ECPAS: variants seen among roughly 807,000 people sequenced by gnomAD.
ECPAS encodes the protein Ecm29 proteasome adaptor and scaffold.
A neutral mutation model predicts 255.1 loss-of-function variants in ECPAS; 70 were observed. That is an observed-to-expected ratio of 0.27 (90% CI 0.23 to 0.33). The LOEUF (loss-of-function observed/expected upper bound fraction) is 0.33. ECPAS is among the 10% of genes least tolerant of loss of function. The probability of loss-of-function intolerance (pLI) is 1.00; values close to 1 mark genes in which losing one functional copy is unlikely to be tolerated. For missense variants in ECPAS, 1,817 were observed against 2,206.4 expected, an observed-to-expected ratio of 0.82 and a Z score of 3.54; for synonymous variants, 784 against 775.0, an observed-to-expected ratio of 1.01 and a Z score of -0.19.
chr9:111,445,987 T>C (rs1455349029), intron 3 of ECPAS, among the ~76,000 whole-genome samples: 1 of 152,190 alleles, frequency 6.6e-6, no homozygotes, highest in Non-Finnish European at 1.5e-5. Flanking sequence ...TTCATCCATG[T>C]CCCTGCAAAG....
chr9:111,445,651 T>G (rs375990463), intron 3 of ECPAS, among the ~76,000 whole-genome samples: 4 of 152,280 alleles, frequency 2.6e-5, no homozygotes, highest in African/African-American at 9.6e-5. Flanking sequence ...TGAGGCATTT[T>G]TATTTTTGTC....
chr9:111,431,432 C>T (rs534731970), intron 8 of ECPAS, among the ~76,000 whole-genome samples: 1 of 151,978 alleles, frequency 6.6e-6, no homozygotes, highest in Non-Finnish European at 1.5e-5. Flanking sequence ...GTGGTGTGCA[C>T]CTGTAATCAC....
chr9:111,394,471 G>A (rs1410857314), intron 25 of ECPAS, among the ~76,000 whole-genome samples, 166 bp from the exon 26 acceptor site: 2 of 152,062 alleles, frequency 1.3e-5, no homozygotes, highest in South Asian at 2.1e-4. Context: ...ATCCACTCTA[G>A]AACCTAGTGT....
intron 12 of ECPAS, among the ~76,000 whole-genome samples, chr9:111,424,182 A>C (rs2098218211): frequency 6.6e-6 from 1 of 152,232 alleles, no homozygotes; most frequent in African/African-American, 2.4e-5. Context: ...AAGCTATGAG[A>C]ACCAGGCCTA....
Position 111,422,061 on chromosome 9 carries a change from A to T in ECPAS, c.1333-18T>A, listed in dbSNP as rs1055486622. The T allele has an allele frequency of 1.2e-6, 2 of 1,613,512 alleles. No homozygotes were observed. ...GGCTCTTCCTATAAAGATGATAAAA[A>T]TGTTTCCCTCCTTGTTGGGTTCCCA... On this transcript the variant is annotated intron_variant, in intron 14 of 49. Coordinates refer to ENST00000684092, the MANE Select transcript of ECPAS (RefSeq NM_001364929.1).
chr9:111,371,930 ACT>A, intron 42 of ECPAS, 101 bp from the exon 43 acceptor site: 1 of 831,674 alleles, frequency 1.2e-6, no homozygotes, highest in African/African-American at 1.7e-5. Flanking sequence ...AAAAGCAGTG[ACT>A]CTCAACTGTT....
intron 18 of ECPAS, 89 bp downstream of exon 18, chr9:111,416,181 AAC>A: frequency 1.1e-5 from 10 of 909,120 alleles, no homozygotes; most frequent in Non-Finnish European, 1.8e-5. Context: ...GTTTACCTAA[AAC>A]ACAACAAAAT....
intron 2 of ECPAS, among the ~76,000 whole-genome samples, chr9:111,455,098 A>G (rs981185804): frequency 6.6e-6 from 1 of 152,164 alleles, no homozygotes; most frequent in African/African-American, 2.4e-5. Context: ...GTTTCTAGGC[A>G]TGCTTAGAAA....
In ECPAS at chr9:111,428,160, C is replaced by A; in HGVS notation, c.932G>T (p.Gly311Val). The A allele has an allele frequency of 6.2e-7, 1 of 1,606,972 alleles. No individual in the cohort carries two copies. The highest frequency in any genetic ancestry group is 1.3e-5 in the African/African-American group (1 of 74,702). Residue 311 changes from glycine to valine, a missense_variant and splice_region_variant, in exon 10 of 50, where the codon GGT becomes GTT. Gly to Val is a moderately radical substitution (Grantham distance 109, BLOSUM62 -3). This residue lies in a region of ECPAS where 573 missense variants were observed against 716.2 expected (regional missense o/e 0.80). Transcript: ENST00000684092. ...TTTCAACTCTGGCTTCAGAACTGCA[C>A]CCTGTTGAAAATATGCTTGATTATA... ...LGDIPLKTKEGAVLKPELKRD... is the reference protein window; with the variant it reads ...LGDIPLKTKEVAVLKPELKRD...
chr9:111,461,088 GA>G (rs1011445878), intron 2 of ECPAS, among the ~76,000 whole-genome samples: 21 of 152,096 alleles, frequency 1.4e-4, no homozygotes. Context: ...ATAATTTAAA[GA>G]AATGCAAAGG....
rs368741766 is a variant in ECPAS at position 111,373,421 on chromosome 9, G to A, written c.4178-15C>T. The A allele has an allele frequency of 8.6e-5, 139 of 1,606,948 alleles. 1 individual carries two copies. The South Asian group carries it at 1.4e-3, about 16-fold the overall frequency. ...CATAAGTTTACCTACCAGAAATAAAGAGAAAAAAATCTGATACTTGGTTGA... is the reference window on the plus strand; with the variant it reads ...CATAAGTTTACCTACCAGAAATAAAAAGAAAAAAATCTGATACTTGGTTGA... On this transcript the variant is annotated splice_polypyrimidine_tract_variant and intron_variant, in intron 39 of 49. Transcript: ENST00000684092.
In ECPAS at chr9:111,460,708, G is replaced by A. The variant is rs142193993; in HGVS notation, c.23-9153C>T. On this transcript the variant is annotated intron_variant, in intron 2 of 49. Transcript: ENST00000684092. Reference sequence around the variant, plus strand: ...TATTACAATGACATCAAAACACATCGAATAGCTGGGAATTAATCTAGGGAA... The same window carrying A: ...TATTACAATGACATCAAAACACATCAAATAGCTGGGAATTAATCTAGGGAA... 1.4e-3 allele frequency among the ~76,000 whole-genome samples: 207 copies of A among 152,116 alleles called. 2 individuals are homozygous for A. The highest frequency in any genetic ancestry group is 5.8e-3 in the East Asian group (30 of 5,172).
intron 3 of ECPAS, among the ~76,000 whole-genome samples, chr9:111,445,185 G>A (rs2098251287): frequency 6.8e-6 from 1 of 147,788 alleles, no homozygotes; most frequent in Non-Finnish European, 1.5e-5. Context: ...AGTAAAGATG[G>A]AGTTTCATCA....
At chr9:111,477,226 A>C (rs924117908) in intron 1 of ECPAS, among the ~76,000 whole-genome samples, 1 of 151,856 alleles carries the variant, frequency 6.6e-6, no homozygotes, top group Non-Finnish European at 1.5e-5. Context: ...CTCCTGCCTC[A>C]GCCTCCCAAG....
intron 46 of ECPAS, among the ~76,000 whole-genome samples, chr9:111,367,608 A>C (rs989304900): frequency 6.6e-6 from 1 of 152,198 alleles, no homozygotes; most frequent in Non-Finnish European, 1.5e-5. Flanking sequence ...AACCACCTGC[A>C]AATTTGTATC....
intron 15 of ECPAS, among the ~76,000 whole-genome samples, chr9:111,421,409 ATGTGTGTG>A (rs71372622): frequency 0.024 from 3,424 of 143,400 alleles, 141 homozygotes; most frequent in African/African-American, 0.082. Flanking sequence ...TATTACATAT[ATGTGTGTG>A]TGTGTGTGTG....
At chr9:111,381,131 A>G (rs555684664) in intron 35 of ECPAS, among the ~76,000 whole-genome samples, 6 of 152,358 alleles carry the variant, frequency 3.9e-5, no homozygotes, top group Admixed American at 1.3e-4. Flanking sequence ...CTCAGCTTTC[A>G]TGACATCCCT....
intron 2 of ECPAS, among the ~76,000 whole-genome samples, chr9:111,466,682 G>T (rs1365141759): frequency 6.6e-6 from 1 of 151,098 alleles, no homozygotes; most frequent in African/African-American, 2.4e-5. Context: ...ACAGGGTTCT[G>T]CTGTTGCCCA....
At position 111,421,995 on chromosome 9, in the gene ECPAS, C is replaced by G. The variant is rs1169477278; in HGVS notation, c.1381G>C (p.Val461Leu). 1.2e-6 allele frequency: 2 copies of G among 1,613,672 alleles called. No homozygotes were observed. The highest frequency in any genetic ancestry group is 2.7e-5 in the African/African-American group (2 of 74,896). The change falls in exon 15 of 50, where the codon GTT becomes CTT. Residue 461 changes from valine to leucine, a missense_variant. Around this residue, in one of 4 missense-constraint regions of ECPAS, gnomAD observed 573 missense variants for 716.2 expected, o/e 0.80. Coordinates refer to ENST00000684092, the MANE Select transcript of ECPAS (RefSeq NM_001364929.1). ...LAIQEALSMM[V>L]GAYSTLEGAQ... Reference sequence around the variant, plus strand: ...CCTTCCAAAGTACTATACGCTCCAACCATCATAGATAAAGCTTCTTGAATA... The same window carrying G: ...CCTTCCAAAGTACTATACGCTCCAAGCATCATAGATAAAGCTTCTTGAATA...
Sources: allele counts gnomAD v4.1 joint callset (sites outside exome capture counted in the v4.1 genomes callset), GRCh38; gene constraint gnomAD v4.1.1; regional missense constraint gnomAD v4.1.1; transcripts MANE v1.5; gene names NCBI Gene and HGNC (gene_info 2026-07-23, HGNC 2026-07-21).